Variants in GALNT10 observed in about 807,000 individuals in gnomAD.
GALNT10 encodes GalNAc transferase 10.
Under a neutral mutation model 75.0 loss-of-function variants are expected in GALNT10, and 41 were observed. The ratio of observed to expected loss-of-function variants is 0.55; its 90% CI spans 0.43 to 0.71. The LOEUF (loss-of-function observed/expected upper bound fraction) is 0.71, where lower values mean the gene tolerates loss of function less well. Ranked by LOEUF, GALNT10 falls within the 30% of genes least tolerant of loss-of-function variation. The probability of loss-of-function intolerance (pLI) is 0.00; values close to 1 mark genes in which losing one functional copy is unlikely to be tolerated. For synonymous variants in GALNT10, 302 were observed against 313.0 expected (o/e 0.96, Z 0.37); for missense variants, 727 against 818.5 (o/e 0.89, Z 1.36).
At chr5:154,300,104 G>A (rs1409289840) in intron 3 of GALNT10, among the ~76,000 whole-genome samples, 2 of 152,064 alleles carry the variant, frequency 1.3e-5, no homozygotes, top group Non-Finnish European at 2.9e-5. Context: ...CCAAAGTGTC[G>A]GGATTGCAGA....
At chr5:154,305,243 C>T (rs1440894655) in intron 3 of GALNT10, among the ~76,000 whole-genome samples, 1 of 151,346 alleles carries the variant, frequency 6.6e-6, no homozygotes, top group East Asian at 1.9e-4. Flanking sequence ...CTGCAGTAAG[C>T]TATGACCGTG....
intron 8 of GALNT10, among the ~76,000 whole-genome samples, chr5:154,408,914 AAAGGC>A (rs1756338361): frequency 6.6e-6 from 1 of 152,092 alleles, no homozygotes; most frequent in East Asian, 1.9e-4. Context: ...TCTGGTGTTA[AAAGGC>A]GGAATGCATT....
rs1331484104 is a variant in GALNT10 at position 154,416,437 on chromosome 5, A to C, written c.1654-377A>C. 1.3e-5 allele frequency among the ~76,000 whole-genome samples: 2 copies of C among 151,056 alleles called. No homozygotes were observed. Among genetic ancestry groups the C allele is most frequent in the African/African-American group, 2.4e-5 (1 of 40,928 alleles). On this transcript the variant is annotated intron_variant, in intron 11 of 11. Coordinates refer to ENST00000297107, the MANE Select transcript of GALNT10 (RefSeq NM_198321.4). The surrounding 1 kb of genome is among the most constrained non-coding windows in gnomAD (Gnocchi z 4.5). ...GACAGAGTGAGAACCTGTCTCAAAA[A>C]AATTAAAAAAATTAAAAAAATAAAA...
At chr5:154,281,060 CT>C (rs1288184660) in intron 1 of GALNT10, among the ~76,000 whole-genome samples, 1 of 152,162 alleles carries the variant, frequency 6.6e-6, no homozygotes, top group Admixed American at 6.5e-5. Flanking sequence ...AACTTTGCCC[CT>C]CTTTTGAAAA....
At chr5:154,374,185 C>T (rs1172906462) in intron 4 of GALNT10, among the ~76,000 whole-genome samples, 3 of 152,128 alleles carry the variant, frequency 2.0e-5, no homozygotes, top group Non-Finnish European at 4.4e-5. Context: ...TCAATTAGGG[C>T]AAATTGATTT....
intron 1 of GALNT10, among the ~76,000 whole-genome samples, chr5:154,294,431 T>G (rs1754244266): frequency 6.6e-6 from 1 of 152,194 alleles, no homozygotes; most frequent in South Asian, 2.1e-4. Flanking sequence ...GTAGAGTACA[T>G]TATTAAAACA....
intron 7 of GALNT10, among the ~76,000 whole-genome samples, chr5:154,394,462 G>A (rs964115997): frequency 6.6e-6 from 1 of 152,096 alleles, no homozygotes; most frequent in Non-Finnish European, 1.5e-5. Flanking sequence ...CTGGCCCAGA[G>A]CGGTTAGGTG....
At chr5:154,329,977 A>AAAAAAAAAC (rs1554098967) in intron 4 of GALNT10, 27 of 362,150 alleles carry the variant, frequency 7.5e-5, no homozygotes, top group African/African-American at 5.5e-4. Flanking sequence ...AAAAAAAAAA[A>AAAAAAAAAC]CAGAAAACTT....
intron 7 of GALNT10, among the ~76,000 whole-genome samples, chr5:154,393,598 C>T (rs1253772051): frequency 1.3e-5 from 2 of 152,066 alleles, no homozygotes; most frequent in African/African-American, 2.4e-5. Flanking sequence ...TTTGGGAGGT[C>T]GAGGCAGGAG....
At chr5:154,289,932 G>C (rs1661323088) in intron 1 of GALNT10, among the ~76,000 whole-genome samples, 1 of 152,148 alleles carries the variant, frequency 6.6e-6, no homozygotes, top group African/African-American at 2.4e-5. Context: ...TAAACATTTG[G>C]TGATAGTTTA....
intron 1 of GALNT10, among the ~76,000 whole-genome samples, chr5:154,276,117 A>C (rs1026042372): frequency 4.6e-5 from 7 of 152,212 alleles, no homozygotes; most frequent in South Asian, 2.1e-4. Context: ...TCATGAGTCT[A>C]ACTAAGCTGA....
intron 7 of GALNT10, among the ~76,000 whole-genome samples, chr5:154,394,016 T>G (rs1755963761): frequency 6.6e-6 from 1 of 152,160 alleles, no homozygotes; most frequent in African/African-American, 2.4e-5. Context: ...CAAGAGCAAC[T>G]CTGCAGGGTC....
chr5:154,345,564 C>G (rs1755108353), intron 4 of GALNT10, among the ~76,000 whole-genome samples: 1 of 151,384 alleles, frequency 6.6e-6, no homozygotes, highest in Non-Finnish European at 1.5e-5. Context: ...GTGTGTCTGG[C>G]CTATTTCACT....
chr5:154,410,668 G>A (rs182134465), intron 9 of GALNT10, among the ~76,000 whole-genome samples: 74 of 152,330 alleles, frequency 4.9e-4, no homozygotes, highest in Admixed American at 1.7e-3. Flanking sequence ...GGTCGTTCCT[G>A]CTTCTTAGGA....
At chr5:154,389,983 A>C (rs1755868019) in intron 7 of GALNT10, among the ~76,000 whole-genome samples, 1 of 152,228 alleles carries the variant, frequency 6.6e-6, no homozygotes, top group South Asian at 2.1e-4. Flanking sequence ...ATTTTCCAAG[A>C]AAAGGCTAAA....
rs1029734813 is a variant in GALNT10 at position 154,419,144 on chromosome 5, CTCATT to C, written c.*2176_*2180del. 5.9e-5 allele frequency: 9 copies of C among 151,706 alleles called. No homozygotes were observed. The highest frequency in any genetic ancestry group is 2.2e-4 in the African/African-American group (9 of 41,246). The allele number at this position is 151,706 out of a possible 1,614,324, so 9.4% of individuals were successfully genotyped here. A position where few individuals can be genotyped will look rare whatever the true frequency, so the allele number is the denominator to read the frequency against. On this transcript the variant is annotated 3_prime_UTR_variant, in exon 12 of 12. Coordinates refer to ENST00000297107, the MANE Select transcript of GALNT10 (RefSeq NM_198321.4). ...TGGATGAGTGTGTGTTTCTTAATGT[CTCATT>C]TCAAGCAGGAGATGTTGGGTCTGGA...
At chr5:154,335,269 CTATGATATAAGAGGAAT>C (rs1754926379) in intron 4 of GALNT10, among the ~76,000 whole-genome samples, 4 of 152,170 alleles carry the variant, frequency 2.6e-5, no homozygotes, top group Non-Finnish European at 5.9e-5. Context: ...GTACTTTGTG[CTATGATATAAGAGGAAT>C]CAAATAGGCT....
intron 3 of GALNT10, among the ~76,000 whole-genome samples, chr5:154,327,747 G>T (rs1263323032): frequency 6.6e-6 from 1 of 152,250 alleles, no homozygotes; most frequent in Non-Finnish European, 1.5e-5. Context: ...AATTTCAGCT[G>T]GTAAATGAAG....
Position 154,190,909 on chromosome 5 carries a change from G to A in GALNT10, c.43G>A (p.Val15Met), listed in dbSNP as rs1205250896. 1.3e-6 allele frequency: 2 copies of A among 1,481,708 alleles called. No homozygotes were observed. The highest frequency in any genetic ancestry group is 2.1e-5 in the Admixed American group (1 of 48,026). The allele number at this position is 1,481,708 out of a possible 1,614,324, so 91.8% of individuals were successfully genotyped here. Residue 15 changes from valine (V) to methionine (M), a missense_variant, in exon 1 of 12, where the codon GTG becomes ATG. Transcript: ENST00000297107. ...EKRLLQAVAL[V>M]LAALVLLPNV... ...GCGGCTCCTGCAGGCGGTGGCGCTGGTGCTGGCGGCCCTGGTCCTCCTGCC... is the reference window on the plus strand; with the variant it reads ...GCGGCTCCTGCAGGCGGTGGCGCTGATGCTGGCGGCCCTGGTCCTCCTGCC...
Sources: allele counts gnomAD v4.1 joint callset (sites outside exome capture counted in the v4.1 genomes callset), GRCh38; gene constraint gnomAD v4.1.1; non-coding constraint Gnocchi (gnomAD v3.1); transcripts MANE v1.5; gene names NCBI Gene and HGNC (gene_info 2026-07-23, HGNC 2026-07-21).